PRKAG2: variants seen among roughly 807,000 people sequenced by gnomAD.
PRKAG2 encodes 5'-AMP-activated protein kinase subunit gamma-2.
A neutral mutation model predicts 69.6 loss-of-function variants in PRKAG2; 26 were observed. The observed-to-expected ratio is 0.37, with a 90% confidence interval of 0.27 to 0.52. PRKAG2 has a LOEUF of 0.52. Ranked by LOEUF, PRKAG2 falls within the 20% of genes least tolerant of loss-of-function variation. The pLI is 0.90. For synonymous variants in PRKAG2, 293 were observed against 285.0 expected (o/e 1.03, Z -0.28); for missense variants, 557 against 740.0 (o/e 0.75, Z 2.87).
chr7:151,776,566 G>A lies in PRKAG2; in HGVS notation c.466+4586C>T, dbSNP rs139013852. On this transcript the variant is annotated intron_variant, in intron 3 of 15. Transcript: ENST00000287878. Reference sequence around the variant, plus strand: ...CTGACTCCCTGTGTCCCAAGGGAGGGCCCAGGCCCCGGGTACACACGGGCC... The same window carrying A: ...CTGACTCCCTGTGTCCCAAGGGAGGACCCAGGCCCCGGGTACACACGGGCC... Among the ~76,000 whole-genome samples, 778 of 152,312 alleles carry A rather than the reference G, an allele frequency of 5.1e-3. 7 individuals are homozygous for A. Among genetic ancestry groups the A allele is most frequent in the South Asian group, 0.028 (137 of 4,828 alleles).
chr7:151,740,111 G>A (rs1408896015), intron 3 of PRKAG2, among the ~76,000 whole-genome samples: 1 of 152,172 alleles, frequency 6.6e-6, no homozygotes, highest in African/African-American at 2.4e-5. Flanking sequence ...CACCCTGAAC[G>A]CCTGCGGTCC....
chr7:151,701,972 C>T lies in PRKAG2; in HGVS notation c.467-26335G>A, dbSNP rs116774231. ...CACACCTTGACTTCAGCCTTCTGGC[C>T]GGCAGAACTGTGAGAGAGTCAGTTT... On this transcript the variant is annotated intron_variant, in intron 3 of 15. Transcript: ENST00000287878. Among the ~76,000 whole-genome samples, 1,378 of 152,260 alleles carry T rather than the reference C, an allele frequency of 9.1e-3. 14 individuals carry two copies. Among genetic ancestry groups the T allele is most frequent in the Middle Eastern group, 0.031 (9 of 294 alleles).
At chr7:151,576,799 C>T (rs1472312258) in intron 6 of PRKAG2, among the ~76,000 whole-genome samples, 2 of 152,134 alleles carry the variant, frequency 1.3e-5, no homozygotes, top group South Asian at 4.1e-4. Context: ...CCGCACCTGG[C>T]CAGAAAAATA....
rs541316022 is a variant in PRKAG2, at chr7:151,614,703, G to T, written c.754+17366C>A. On this transcript the variant is annotated intron_variant, in intron 5 of 15. Coordinates refer to ENST00000287878, the MANE Select transcript of PRKAG2 (RefSeq NM_016203.4). The surrounding 1 kb of genome is among the most constrained non-coding windows in gnomAD (Gnocchi z 4.4). ...TGTGGCCCTAAGCCCACTTTGCCAG[G>T]ACCGCTCCAGTTCAGCACCATGGAA... Among the ~76,000 whole-genome samples the T allele has an allele frequency of 1.3e-5, 2 of 152,182 alleles. No homozygotes were observed. Among genetic ancestry groups the T allele is most frequent in the Non-Finnish European group, 2.9e-5 (2 of 68,034 alleles).
chr7:151,866,439 TAAAG>T (rs1044066663), intron 1 of PRKAG2, among the ~76,000 whole-genome samples: 2 of 152,226 alleles, frequency 1.3e-5, no homozygotes, highest in African/African-American at 2.4e-5. Context: ...ACTTTAGAGA[TAAAG>T]AGAGACGGCT....
chr7:151,621,625 T>C (rs1821510086), intron 5 of PRKAG2, among the ~76,000 whole-genome samples: 1 of 152,122 alleles, frequency 6.6e-6, no homozygotes, highest in South Asian at 2.1e-4. Context: ...CAGGCTGGAG[T>C]GCAGTGGTGT....
At chr7:151,823,913 T>C (rs1021816776) in intron 1 of PRKAG2, among the ~76,000 whole-genome samples, 3 of 152,170 alleles carry the variant, frequency 2.0e-5, no homozygotes, top group Non-Finnish European at 2.9e-5. Flanking sequence ...AACTGGGTGA[T>C]TGAAATATTC....
At chr7:151,772,667 G>A (rs1255479463) in intron 3 of PRKAG2, among the ~76,000 whole-genome samples, 2 of 152,132 alleles carry the variant, frequency 1.3e-5, no homozygotes, top group Non-Finnish European at 2.9e-5. Context: ...AACACTTAAA[G>A]TTTAGTTCCA....
chr7:151,748,861 G>A (rs1017666158), intron 3 of PRKAG2, among the ~76,000 whole-genome samples: 43 of 152,374 alleles, frequency 2.8e-4, no homozygotes, highest in Non-Finnish European at 2.5e-4. Flanking sequence ...GCCCCGCCGC[G>A]CCCGCAGCCA....
chr7:151,785,718 G>T (rs1450689582), intron 2 of PRKAG2, among the ~76,000 whole-genome samples: 1 of 152,202 alleles, frequency 6.6e-6, no homozygotes, highest in African/African-American at 2.4e-5. Flanking sequence ...CAGAATGCCA[G>T]GAAGCACGTC....
chr7:151,684,233 C>G (rs951455109), intron 3 of PRKAG2, among the ~76,000 whole-genome samples: 1 of 152,190 alleles, frequency 6.6e-6, no homozygotes, highest in Non-Finnish European at 1.5e-5. Flanking sequence ...GTAATGACTC[C>G]TGAAACCCTG....
At chr7:151,789,944 T>C (rs1214681411) in intron 1 of PRKAG2, among the ~76,000 whole-genome samples, 3 of 152,184 alleles carry the variant, frequency 2.0e-5, no homozygotes, top group African/African-American at 4.8e-5. Context: ...GGTCTCCTCC[T>C]TTCAGCAACA....
intron 6 of PRKAG2, among the ~76,000 whole-genome samples, chr7:151,576,848 C>T (rs985408652): frequency 6.6e-6 from 1 of 152,106 alleles, no homozygotes; most frequent in Non-Finnish European, 1.5e-5. Context: ...AGTTATCTTC[C>T]ATAATAAGTT....
chr7:151,856,540 C>T (rs1563758734), intron 1 of PRKAG2, among the ~76,000 whole-genome samples: 1 of 152,212 alleles, frequency 6.6e-6, no homozygotes, highest in Non-Finnish European at 1.5e-5. Context: ...CGCCGTGGCC[C>T]TTAGGCAAAC....
rs367684930 is a variant in PRKAG2, at chr7:151,658,354, G to A, written c.684+17066C>T. ...TACAAAATTAGCCAGGCGTGGTGGC[G>A]CGTGCCCGTAATCCCAGCTACTCAG... On this transcript the variant is annotated intron_variant, in intron 4 of 15. Coordinates refer to ENST00000287878, the MANE Select transcript of PRKAG2 (RefSeq NM_016203.4). Among the ~76,000 whole-genome samples, 616 of 151,102 alleles carry A rather than the reference G, an allele frequency of 4.1e-3. 3 individuals are homozygous for A. The highest frequency in any genetic ancestry group is 0.013 in the African/African-American group (555 of 41,164).
chr7:151,723,819 A>G (rs565194534), intron 3 of PRKAG2, among the ~76,000 whole-genome samples: 1 of 152,268 alleles, frequency 6.6e-6, no homozygotes, highest in African/African-American at 2.4e-5. Context: ...CTCCCTCTGC[A>G]GCAGACGCAG....
In PRKAG2 at chr7:151,831,721, C is replaced by T. The variant is rs553828381; in HGVS notation, c.114+44786G>A. On this transcript the variant is annotated intron_variant, in intron 1 of 15. Coordinates refer to ENST00000287878, the MANE Select transcript of PRKAG2 (RefSeq NM_016203.4). ...CCTGCCTCCTCCTCCAAGCTGGTCT[C>T]GGGTCCTGGCCTCGCCCCCTGGAGG... 1.6e-4 allele frequency among the ~76,000 whole-genome samples: 24 copies of T among 152,242 alleles called. No homozygotes were observed. The South Asian group carries it at 2.9e-3, about 18-fold the overall frequency.
chr7:151,720,138 C>CCTTTCTT (rs1399665904), intron 3 of PRKAG2, among the ~76,000 whole-genome samples: 1 of 152,172 alleles, frequency 6.6e-6, no homozygotes, highest in Non-Finnish European at 1.5e-5. Context: ...GGGGAAATGC[C>CCTTTCTT]CTTTCTTCTT....
At chr7:151,862,964 C>T (rs539442802) in intron 1 of PRKAG2, among the ~76,000 whole-genome samples, 42 of 147,956 alleles carry the variant, frequency 2.8e-4, no homozygotes, top group African/African-American at 9.8e-4. Flanking sequence ...GGTAGATCTC[C>T]GGGTGCAGGG....
Sources: gnomAD v4.1 joint callset for allele counts (sites outside exome capture counted in the v4.1 genomes callset) on GRCh38, gnomAD v4.1.1 for gene constraint, Gnocchi (gnomAD v3.1) non-coding constraint, MANE v1.5 for transcripts, NCBI Gene and HGNC (gene_info 2026-07-23, HGNC 2026-07-21) for gene names.